NDUFAB1: variants seen among roughly 807,000 people sequenced by gnomAD.
NDUFAB1 encodes the protein NADH:ubiquinone oxidoreductase subunit AB1, also known as acyl carrier protein, mitochondrial.
NDUFAB1 carries 5 observed loss-of-function variants against 16.1 expected under a neutral mutation model. That is an observed-to-expected ratio of 0.31 (90% CI 0.16 to 0.65). The LOEUF is 0.65. Ranked by LOEUF, NDUFAB1 falls within the 30% of genes least tolerant of loss-of-function variation. The pLI, the probability that NDUFAB1 is intolerant of heterozygous loss-of-function variation, is 0.77. For synonymous variants in NDUFAB1, 85 were observed against 78.4 expected, an observed-to-expected ratio of 1.08 and a Z score of -0.44; for missense variants, 187 against 205.3, an observed-to-expected ratio of 0.91 and a Z score of 0.54.
intron 1 of NDUFAB1, among the ~76,000 whole-genome samples, chr16:23,589,947 A>G (rs1015607734): frequency 4.0e-5 from 4 of 99,536 alleles, no homozygotes; most frequent in East Asian, 2.9e-4. Context: ...AAAAAGAAAA[A>G]AAAAAAAAAA....
rs1490632470 is a variant in NDUFAB1, at chr16:23,587,293, G to A, written c.195C>T (p.Cys65=). Residue 65 remains cysteine, a synonymous_variant, in exon 2 of 5, where the codon TGC becomes TGT. Coordinates refer to ENST00000007516, the MANE Select transcript of NDUFAB1 (RefSeq NM_005003.3). ...AQVPGRVTQL[C]RQYSDMPPLT... is the part of the protein sequence containing the mutation. ...AAGGAGGCATGTCGCTATACTGGCG[G>A]CACAACTGTGTAACTCTACCAGGAA... 1.2e-6 allele frequency: 2 copies of A among 1,613,914 alleles called. No individual in the cohort carries two copies. Among genetic ancestry groups the A allele is most frequent in the Admixed American group, 3.3e-5 (2 of 60,000 alleles).
chr16:23,583,094 C>T (rs1567406914), intron 3 of NDUFAB1, among the ~76,000 whole-genome samples: 2 of 152,294 alleles, frequency 1.3e-5, no homozygotes, highest in African/African-American at 4.8e-5. Context: ...GCCGGGATTG[C>T]AGATGGAGTC....
intron 3 of NDUFAB1, among the ~76,000 whole-genome samples, chr16:23,582,783 GTCTCCC>G (rs1185959483): frequency 7.5e-6 from 1 of 133,060 alleles, no homozygotes; most frequent in Non-Finnish European, 1.6e-5. Context: ...TCTCCCCAAG[GTCTCCC>G]TCTCCCTCTC....
At chr16:23,587,544 G>C (rs778387605) in intron 1 of NDUFAB1, among the ~76,000 whole-genome samples, 99 of 152,154 alleles carry the variant, frequency 6.5e-4, no homozygotes, top group Non-Finnish European at 1.2e-3. Flanking sequence ...AGTCAGGACC[G>C]GCCCCTCTGC....
Position 23,587,241 on chromosome 16 carries a change from C to G in NDUFAB1, c.247G>C (p.Val83Leu). 1 of 1,614,126 alleles carries G rather than the reference C, an allele frequency of 6.2e-7. No individual in the cohort carries two copies. Among genetic ancestry groups the G allele is most frequent in the South Asian group, 1.1e-5 (1 of 91,082 alleles). ...PLTLEGIQDR[V>L]LYVLKLYDKI... ...TCATAGAGTTTCAATACGTAAAGAA[C>G]ACGGTCCTGGATGCCCTCTAACGTC... Residue 83 changes from valine (V) to leucine (L), a missense_variant, in exon 2 of 5, where the codon GTT (valine) becomes CTT (leucine). By Grantham distance (32) the Val-to-Leu change is conservative (BLOSUM62 1). Around this residue, in one of 3 missense-constraint regions of NDUFAB1, gnomAD observed 135 missense variants for 129.4 expected, o/e 1.04. Coordinates refer to ENST00000007516, the MANE Select transcript of NDUFAB1 (RefSeq NM_005003.3).
intron 3 of NDUFAB1, 141 bp downstream of exon 3, chr16:23,585,195 G>A: frequency 1.6e-6 from 1 of 640,976 alleles, no homozygotes; most frequent in African/African-American, 1.8e-5. Context: ...AAGTGGGCAG[G>A]AAGGTGTGTG....
chr16:23,592,623 G>A (rs754303112), intron 1 of NDUFAB1, among the ~76,000 whole-genome samples: 2 of 152,202 alleles, frequency 1.3e-5, no homozygotes, highest in Admixed American at 6.5e-5. Context: ...CTGCTAGACA[G>A]TGTAGATTCG....
At chr16:23,591,158 T>C (rs531287680) in intron 1 of NDUFAB1, 12 of 149,936 alleles carry the variant, frequency 8.0e-5, no homozygotes, top group African/African-American at 2.2e-4. Context: ...TCTCTGTTGA[T>C]TGGGAAAAAA....
chr16:23,587,105 G>T, intron 2 of NDUFAB1, 92 bp downstream of exon 2: 1 of 1,328,300 alleles, frequency 7.5e-7, no homozygotes, highest in Non-Finnish European at 1.0e-6. Flanking sequence ...GAGCCAGGGA[G>T]ATTTTTACTG....
At position 23,584,019 on chromosome 16, in the gene NDUFAB1, T is replaced by C. The variant is rs1464396966; in HGVS notation, c.379+1317A>G. On this transcript the variant is annotated intron_variant, in intron 3 of 4. Transcript: ENST00000007516. ...CACTCAGGGTTAAATGGATTAAGGG[T>C]GGTGCAAGATGTGCTTTGTTAAACA... Among the ~76,000 whole-genome samples, 9 of 151,372 alleles carry C rather than the reference T, an allele frequency of 5.9e-5. No individual in the cohort carries two copies. The East Asian group carries it at 1.4e-3, about 23-fold the overall frequency.
At chr16:23,584,253 AT>A (rs1423939935) in intron 3 of NDUFAB1, among the ~76,000 whole-genome samples, 5 of 103,148 alleles carry the variant, frequency 4.8e-5, no homozygotes, top group East Asian at 2.9e-4. Context: ...AGAATGATCA[AT>A]TAAAAAAAAA....
At chr16:23,586,612 C>T (rs1043353248) in intron 2 of NDUFAB1, among the ~76,000 whole-genome samples, 1 of 152,004 alleles carries the variant, frequency 6.6e-6, no homozygotes, top group Admixed American at 6.6e-5. Context: ...GGATTACAGG[C>T]GTGAGCTACC....
intron 3 of NDUFAB1, among the ~76,000 whole-genome samples, chr16:23,584,999 CAT>C (rs1201397701): frequency 2.6e-5 from 4 of 152,344 alleles, no homozygotes; most frequent in East Asian, 3.9e-4. Flanking sequence ...GAGGGGCTGA[CAT>C]GTCATCAGCA....
At chr16:23,590,215 G>A (rs1418730413) in intron 1 of NDUFAB1, among the ~76,000 whole-genome samples, 4 of 152,206 alleles carry the variant, frequency 2.6e-5, no homozygotes, top group Non-Finnish European at 5.9e-5. Flanking sequence ...TAAATTAAAC[G>A]AGTCTCTGAC....
At chr16:23,592,740 A>G (rs1240270246) in intron 1 of NDUFAB1, among the ~76,000 whole-genome samples, 1 of 151,960 alleles carries the variant, frequency 6.6e-6, no homozygotes, top group Non-Finnish European at 1.5e-5. Flanking sequence ...ATCATCTGGT[A>G]TTTTTATACC....
Position 23,596,231 on chromosome 16 carries a change from C to T in NDUFAB1, c.60G>A (p.Leu20=), listed in dbSNP as rs1481567702. 6.2e-7 allele frequency: 1 copy of T among 1,607,050 alleles called. No individual in the cohort carries two copies. Among genetic ancestry groups the T allele is most frequent in the South Asian group, 1.1e-5 (1 of 90,284 alleles). ...VSRLPAAFAP[L]PRVRMLAVAR... ...CCACGGCCAGCATCCGGACCCGGGG[C>T]AGCGGCGCAAAGGCCGCGGGCAGGC... The change falls in exon 1 of 5, where the codon CTG becomes CTA. Residue 20 remains leucine, a synonymous_variant. Transcript: ENST00000007516.
chr16:23,582,312 A>G lies in NDUFAB1; in HGVS notation c.443T>C (p.Ile148Thr), dbSNP rs777646164. The change falls in exon 4 of 5, where the codon ATT becomes ACT. Residue 148 changes from isoleucine (I) to threonine (T), a missense_variant. Ile to Thr is a moderately conservative substitution (Grantham distance 89). Transcript: ENST00000007516. ...TTCATATACATCCTTCTTATCTGCA[A>G]TGTAATCTACAATTTCTTGTGGACA... The part of the protein sequence containing the change: ...LMCPQEIVDY[I>T]ADKKDVYE 6 of 1,576,476 alleles carry G rather than the reference A, an allele frequency of 3.8e-6. No homozygotes were observed. Among genetic ancestry groups the G allele is most frequent in the East Asian group, 2.3e-5 (1 of 44,280 alleles).
chr16:23,583,098 T>C (rs1966196755), intron 3 of NDUFAB1, among the ~76,000 whole-genome samples: 1 of 152,240 alleles, frequency 6.6e-6, no homozygotes, highest in Admixed American at 6.5e-5. Flanking sequence ...GGATTGCAGA[T>C]GGAGTCTCGT....
chr16:23,595,623 A>G (rs1413849463), intron 1 of NDUFAB1: 1 of 456,890 alleles, frequency 2.2e-6, no homozygotes, highest in East Asian at 6.9e-5. Context: ...GGAGTCCTGG[A>G]CACAGGCAGA....
Sources: allele counts gnomAD v4.1 joint callset (sites outside exome capture counted in the v4.1 genomes callset), GRCh38; gene constraint gnomAD v4.1.1; regional missense constraint gnomAD v4.1.1; transcripts MANE v1.5; gene names NCBI Gene and HGNC (gene_info 2026-07-23, HGNC 2026-07-21).